Variants in SMLR1 observed in about 807,000 individuals in gnomAD.
SMLR1 encodes the protein small leucine-rich protein 1.
A neutral mutation model predicts 6.1 loss-of-function variants in SMLR1; 3 were observed. The ratio of observed to expected loss-of-function variants is 0.49; its 90% CI spans 0.22 to 1.28. The LOEUF (loss-of-function observed/expected upper bound fraction) is 1.28. Ranked by LOEUF, SMLR1 falls within the 50% of genes most tolerant of loss-of-function variation. The pLI is 0.19. For synonymous variants in SMLR1, 55 were observed against 53.6 expected (o/e 1.03, Z -0.11); for missense variants, 126 against 124.8 (o/e 1.01, Z -0.05).
Position 130,827,645 on chromosome 6 carries a change from A to G in SMLR1, c.232A>G (p.Ile78Val), listed in dbSNP as rs1774316380. 1 of 1,535,604 alleles carries G rather than the reference A, an allele frequency of 6.5e-7. No homozygotes were observed. The change falls in exon 1 of 2, where the codon ATT becomes GTT. Residue 78 changes from isoleucine (I) to valine (V), a missense_variant. Physicochemically the swap from Ile to Val is conservative, Grantham distance 29. Coordinates refer to ENST00000541421, the MANE Select transcript of SMLR1 (RefSeq NM_001195597.2). ...CATCGCCTACTTCAGGATCAAACTG[A>G]TTGAGGGTAAGTGTGAGGCCACACA... The part of the protein sequence containing the change: ...LLIAYFRIKL[I>V]EVNEELSQNC...
chr6:130,828,753 T>A (rs1392840481), intron 1 of SMLR1, among the ~76,000 whole-genome samples: 1 of 152,176 alleles, frequency 6.6e-6, no homozygotes, highest in East Asian at 1.9e-4. Context: ...GAACAGCCCT[T>A]TTGCTGAGGG....
chr6:130,828,836 T>A (rs1774356661), intron 1 of SMLR1, among the ~76,000 whole-genome samples: 1 of 152,206 alleles, frequency 6.6e-6, no homozygotes, highest in Non-Finnish European at 1.5e-5. Context: ...CAGTTTATCC[T>A]CCACTGCCCT....
In SMLR1 at chr6:130,835,474, C is replaced by T. The variant is rs2128385070; in HGVS notation, c.*519C>T. ...ACACAGTTCAGGTATCATTTTTGGA[C>T]CTGACTTTGCTTCTCTCCTTTTCCT... On this transcript the variant is annotated 3_prime_UTR_variant, in exon 2 of 2. Coordinates refer to ENST00000541421, the MANE Select transcript of SMLR1 (RefSeq NM_001195597.2). 1 of 152,762 alleles carries T rather than the reference C, an allele frequency of 6.5e-6. No homozygotes were observed. The highest frequency in any genetic ancestry group is 1.9e-4 in the East Asian group (1 of 5,190). The allele number at this position is 152,762 out of a possible 1,614,324, so 9.5% of individuals were successfully genotyped here. A position where few individuals can be genotyped will look rare whatever the true frequency, so the allele number is the denominator to read the frequency against.
chr6:130,830,853 AC>A (rs1206881862), intron 1 of SMLR1, among the ~76,000 whole-genome samples: 2 of 151,978 alleles, frequency 1.3e-5, no homozygotes, highest in African/African-American at 4.8e-5. Flanking sequence ...TCAGGAAGTT[AC>A]CCTACATGGC....
At chr6:130,833,307 T>C (rs1774527181) in intron 1 of SMLR1, among the ~76,000 whole-genome samples, 1 of 152,164 alleles carries the variant, frequency 6.6e-6, no homozygotes, top group African/African-American at 2.4e-5. Context: ...TCTTAAGAGT[T>C]CACTTTTTTT....
rs117248230 is a variant in SMLR1, at chr6:130,829,992, T to C, written c.238+2341T>C. On this transcript the variant is annotated intron_variant, in intron 1 of 1. Coordinates refer to ENST00000541421, the MANE Select transcript of SMLR1 (RefSeq NM_001195597.2). ...TTCTCATTCATTTATTCAACGAATA[T>C]TTGTTAGTCTATCATATACCACAGA... Among the ~76,000 whole-genome samples the C allele has an allele frequency of 5.4e-3, 820 of 152,296 alleles. 5 individuals carry two copies. Among genetic ancestry groups the C allele is most frequent in the Non-Finnish European group, 7.1e-3 (486 of 68,022 alleles).
chr6:130,832,886 A>G (rs989550368), intron 1 of SMLR1, among the ~76,000 whole-genome samples: 1 of 152,184 alleles, frequency 6.6e-6, no homozygotes, highest in East Asian at 1.9e-4. Flanking sequence ...AAACAAGGCA[A>G]AAATTTTACA....
At chr6:130,833,696 T>A (rs552636159) in intron 1 of SMLR1, among the ~76,000 whole-genome samples, 1 of 152,226 alleles carries the variant, frequency 6.6e-6, no homozygotes, top group Non-Finnish European at 1.5e-5. Context: ...ATCACAAGAA[T>A]TGAACGAGAA....
intron 1 of SMLR1, among the ~76,000 whole-genome samples, chr6:130,829,147 A>G (rs1454399816): frequency 6.6e-6 from 1 of 152,176 alleles, no homozygotes; most frequent in Non-Finnish European, 1.5e-5. Context: ...TGGCTGGATG[A>G]AATTTTCAGT....
chr6:130,837,006 C>T lies in SMLR1; in HGVS notation c.*2051C>T, dbSNP rs1774692148. The T allele has an allele frequency of 6.6e-6, 1 of 152,190 alleles. No individual in the cohort carries two copies. Among genetic ancestry groups the T allele is most frequent in the East Asian group, 1.9e-4 (1 of 5,198 alleles). 9.4% of individuals were successfully genotyped at this position (152,190 alleles called of 1,614,324 possible). ...CCAGGGGCCAGAAATGCTCCCACAA[C>T]CCTCAATGGTCTCACTACAACAGTT... is the stretch of plus-strand genomic sequence containing the variant. On this transcript the variant is annotated 3_prime_UTR_variant, in exon 2 of 2. Coordinates refer to ENST00000541421, the MANE Select transcript of SMLR1 (RefSeq NM_001195597.2).
intron 1 of SMLR1, among the ~76,000 whole-genome samples, chr6:130,833,753 G>T (rs1648682299): frequency 1.3e-5 from 2 of 152,292 alleles, no homozygotes; most frequent in East Asian, 1.9e-4. Context: ...GCAAGTGCAA[G>T]TATTGGCTAC....
chr6:130,829,620 A>G (rs1774381046), intron 1 of SMLR1, among the ~76,000 whole-genome samples: 1 of 152,212 alleles, frequency 6.6e-6, no homozygotes, highest in Admixed American at 6.5e-5. Flanking sequence ...CTCAGAAAAA[A>G]GTTACTACCT....
Position 130,835,247 on chromosome 6 carries a change from A to G in SMLR1, c.*292A>G. 1 of 273,180 alleles carries G rather than the reference A, an allele frequency of 3.7e-6. No homozygotes were observed. Among genetic ancestry groups the G allele is most frequent in the Non-Finnish European group, 7.0e-6 (1 of 141,952 alleles). The allele number at this position is 273,180 out of a possible 1,614,324, so 16.9% of individuals were successfully genotyped here. A position where few individuals can be genotyped will look rare whatever the true frequency, so the allele number is the denominator to read the frequency against. On this transcript the variant is annotated 3_prime_UTR_variant, in exon 2 of 2. Transcript: ENST00000541421. ...TTTTATTGTGACTGTGTCTGCTCTA[A>G]ACGGCATATTTAAAAAATAAAATTC...
intron 1 of SMLR1, among the ~76,000 whole-genome samples, chr6:130,829,145 T>C (rs1048635816): frequency 6.6e-6 from 1 of 152,186 alleles, no homozygotes; most frequent in Non-Finnish European, 1.5e-5. Context: ...TCTGGCTGGA[T>C]GAAATTTTCA....
chr6:130,829,412 C>T (rs1237960723), intron 1 of SMLR1, among the ~76,000 whole-genome samples: 1 of 152,190 alleles, frequency 6.6e-6, no homozygotes, highest in Non-Finnish European at 1.5e-5. Context: ...GTATGAATCA[C>T]ATTGCTTTAG....
In SMLR1 at chr6:130,835,952, T is replaced by A. The variant is rs1333680990; in HGVS notation, c.*997T>A. The A allele has an allele frequency of 6.6e-6, 1 of 152,176 alleles. No homozygotes were observed. Among genetic ancestry groups the A allele is most frequent in the Non-Finnish European group, 1.5e-5 (1 of 68,028 alleles). The allele number at this position is 152,176 out of a possible 1,614,324, so 9.4% of individuals were successfully genotyped here. A position where few individuals can be genotyped will look rare whatever the true frequency, so the allele number is the denominator to read the frequency against. ...TTGTGCAGGACATTAACAGGCTGAG[T>A]GATCCACTTTATAAAACATAATGAA... is the stretch of plus-strand genomic sequence containing the variant. On this transcript the variant is annotated 3_prime_UTR_variant, in exon 2 of 2. Coordinates refer to ENST00000541421, the MANE Select transcript of SMLR1 (RefSeq NM_001195597.2).
chr6:130,836,400 T>C lies in SMLR1; in HGVS notation c.*1445T>C, dbSNP rs1774662111. On this transcript the variant is annotated 3_prime_UTR_variant, in exon 2 of 2. Transcript: ENST00000541421. ...ACAGAAAGTGTGAAAGGACAGATCG[T>C]ATTCCTATCTCAGGCAGCTGCCAGC... 1 of 152,198 alleles carries C rather than the reference T, an allele frequency of 6.6e-6. No individual in the cohort carries two copies. The highest frequency in any genetic ancestry group is 1.5e-5 in the Non-Finnish European group (1 of 68,026). The allele number at this position is 152,198 out of a possible 1,614,324, so 9.4% of individuals were successfully genotyped here.
Position 130,827,450 on chromosome 6 carries a change from G to C in SMLR1, c.37G>C (p.Val13Leu), listed in dbSNP as rs1448318617. ...AGGCCGGAGCCCCAGAAGAAAACAA[G>C]TACAGACTCAGAGGAAAGCTGCCCT... ...SKGRSPRRKQVQTQRKAALVL... is the reference protein window; with the variant it reads ...SKGRSPRRKQLQTQRKAALVL... The change falls in exon 1 of 2, where the codon GTA (valine) becomes CTA (leucine). Residue 13 changes from valine (V) to leucine (L), a missense_variant. Val to Leu is a conservative substitution (Grantham distance 32). Coordinates refer to ENST00000541421, the MANE Select transcript of SMLR1 (RefSeq NM_001195597.2). 3.3e-6 allele frequency: 5 copies of C among 1,536,020 alleles called. No homozygotes were observed. The highest frequency in any genetic ancestry group is 4.4e-6 in the Non-Finnish European group (5 of 1,146,860).
Position 130,835,924 on chromosome 6 carries a change from T to C in SMLR1, c.*969T>C, listed in dbSNP as rs559396924. On this transcript the variant is annotated 3_prime_UTR_variant, in exon 2 of 2. Coordinates refer to ENST00000541421, the MANE Select transcript of SMLR1 (RefSeq NM_001195597.2). Reference sequence around the variant, plus strand: ...AAGTGTAAGACTGGTTACATTCCAATCTTTGTGCAGGACATTAACAGGCTG... The same window carrying C: ...AAGTGTAAGACTGGTTACATTCCAACCTTTGTGCAGGACATTAACAGGCTG... 6.6e-6 allele frequency: 1 copy of C among 152,290 alleles called. No individual in the cohort carries two copies. Among genetic ancestry groups the C allele is most frequent in the African/African-American group, 2.4e-5 (1 of 41,572 alleles). 9.4% of individuals were successfully genotyped at this position (152,290 alleles called of 1,614,324 possible). A position where few individuals can be genotyped will look rare whatever the true frequency, so the allele number is the denominator to read the frequency against.
Sources: gnomAD v4.1 joint callset for allele counts (sites outside exome capture counted in the v4.1 genomes callset) on GRCh38, gnomAD v4.1.1 for gene constraint, MANE v1.5 for transcripts, NCBI Gene and HGNC (gene_info 2026-07-23, HGNC 2026-07-21) for gene names.